Variants in NKAIN2 observed in about 807,000 individuals in gnomAD.
The protein encoded by NKAIN2 is sodium/potassium transporting ATPase interacting 2.
In NKAIN2, 14 loss-of-function variants were observed where a neutral mutation model predicts 32.6. That is an observed-to-expected ratio of 0.43 (90% CI 0.28 to 0.67). The LOEUF (loss-of-function observed/expected upper bound fraction) is 0.67. Among genes scored for constraint, NKAIN2 ranks in the 30% least tolerant of loss-of-function variants. The pLI, the probability that NKAIN2 is intolerant of heterozygous loss-of-function variation, is 0.17. For missense variants in NKAIN2, 198 were observed against 258.3 expected (o/e 0.77, Z 1.60); for synonymous variants, 80 against 87.2 (o/e 0.92, Z 0.46).
At chr6:124,162,121 A>T (rs1788311630) in intron 1 of NKAIN2, among the ~76,000 whole-genome samples, 1 of 152,080 alleles carries the variant, frequency 6.6e-6, no homozygotes, top group Admixed American at 6.6e-5. Flanking sequence ...TGTATCACTC[A>T]TTTGATTTCA....
chr6:124,070,775 A>G (rs1783423182), intron 1 of NKAIN2, among the ~76,000 whole-genome samples: 1 of 152,168 alleles, frequency 6.6e-6, no homozygotes, highest in Non-Finnish European at 1.5e-5. Context: ...ATTCATATGG[A>G]ACCAAAAAGA....
chr6:124,178,828 A>G (rs1018121301), intron 1 of NKAIN2, among the ~76,000 whole-genome samples: 2 of 152,192 alleles, frequency 1.3e-5, no homozygotes, highest in African/African-American at 4.8e-5. Context: ...TTCTGAGCAC[A>G]ATGTGCTCAA....
intron 1 of NKAIN2, among the ~76,000 whole-genome samples, chr6:123,927,653 A>AG (rs1329139108): frequency 2.0e-5 from 3 of 152,342 alleles, no homozygotes; most frequent in East Asian, 3.9e-4. Context: ...CGTCCCAAAC[A>AG]GTCCTATACA....
chr6:124,107,219 C>T (rs527273658), intron 1 of NKAIN2, among the ~76,000 whole-genome samples: 1 of 152,206 alleles, frequency 6.6e-6, no homozygotes, highest in African/African-American at 2.4e-5. Flanking sequence ...AGAGTGAGGC[C>T]GTACCCGCAG....
chr6:123,858,467 G>A (rs1775650264), intron 1 of NKAIN2, among the ~76,000 whole-genome samples: 1 of 152,172 alleles, frequency 6.6e-6, no homozygotes, highest in Non-Finnish European at 1.5e-5. Flanking sequence ...TGAGGAATTT[G>A]AGGGAGAGAC....
Position 123,976,298 on chromosome 6 carries a change from CATATATATGTTTCCATAT to C in NKAIN2, c.54+172056_54+172073del, listed in dbSNP as rs1778580978. Among the ~76,000 whole-genome samples, 12 of 58,554 alleles carry C rather than the reference CATATATATGTTTCCATAT, an allele frequency of 2.0e-4. 1 individual carries two copies. Among genetic ancestry groups the C allele is most frequent in the Admixed American group, 3.5e-4 (2 of 5,726 alleles). 38.4% of individuals were successfully genotyped at this position (58,554 alleles called of 152,430 possible). On this transcript the variant is annotated intron_variant, in intron 1 of 6. Coordinates refer to ENST00000368417, the MANE Select transcript of NKAIN2 (RefSeq NM_001040214.3). ...ATATATGTTTCCATATATATGTTTCCATATATATGTTTCCATATATATATATGTTCCCATATATATATA... is the reference window on the plus strand; with the variant it reads ...ATATATGTTTCCATATATATGTTTCCATATATATGTTCCCATATATATATA...
intron 1 of NKAIN2, among the ~76,000 whole-genome samples, chr6:124,194,634 T>C (rs1044085424): frequency 2.0e-5 from 3 of 152,184 alleles, no homozygotes; most frequent in Admixed American, 6.5e-5. Flanking sequence ...TTTTATATTC[T>C]AGGTCATAGA....
rs559516932 is a variant in NKAIN2, at chr6:124,808,612, T to C, written c.536-9775T>C. On this transcript the variant is annotated intron_variant, in intron 5 of 6. Coordinates refer to ENST00000368417, the MANE Select transcript of NKAIN2 (RefSeq NM_001040214.3). ...CCTCTCTCACCACTCCTATTCAACA[T>C]AGTGTTGGAAGTTATGGCCAGGGCA... Among the ~76,000 whole-genome samples, 419 of 152,198 alleles carry C rather than the reference T, an allele frequency of 2.8e-3. 7 individuals are homozygous for C. Among genetic ancestry groups the C allele is most frequent in the East Asian group, 1.5e-3 (8 of 5,176 alleles).
intron 3 of NKAIN2, among the ~76,000 whole-genome samples, chr6:124,410,104 C>T (rs1415955401): frequency 6.6e-6 from 1 of 151,942 alleles, no homozygotes; most frequent in South Asian, 2.1e-4. Context: ...ATTAGTCTTG[C>T]TAGTGGTCTA....
At chr6:124,233,296 A>G (rs977787803) in intron 1 of NKAIN2, among the ~76,000 whole-genome samples, 1 of 151,816 alleles carries the variant, frequency 6.6e-6, no homozygotes, top group Admixed American at 6.6e-5. Context: ...AACCATAATT[A>G]TATTCTATCA....
chr6:124,242,802 A>G (rs1453511776), intron 1 of NKAIN2, among the ~76,000 whole-genome samples: 1 of 149,970 alleles, frequency 6.7e-6, no homozygotes, highest in African/African-American at 2.5e-5. Flanking sequence ...AAAACTAAAC[A>G]CTGCATGTTC....
intron 3 of NKAIN2, among the ~76,000 whole-genome samples, chr6:124,544,232 G>T (rs973390989): frequency 3.3e-5 from 5 of 151,992 alleles, no homozygotes; most frequent in Non-Finnish European, 5.9e-5. Context: ...TACCTGTCAG[G>T]CTTGGAGAGC....
In NKAIN2 at chr6:124,196,796, TTTTAA is replaced by T. The variant is rs550587278; in HGVS notation, c.55-86204_55-86200del. ...ACATAATATATTTGTATCATGGTGA[TTTTAA>T]TTTATTTTATAAAAGTTTATTCGTG... On this transcript the variant is annotated intron_variant, in intron 1 of 6. Coordinates refer to ENST00000368417, the MANE Select transcript of NKAIN2 (RefSeq NM_001040214.3). Among the ~76,000 whole-genome samples, 212 of 152,114 alleles carry T rather than the reference TTTTAA, an allele frequency of 1.4e-3. 2 individuals are homozygous for T. The highest frequency in any genetic ancestry group is 3.4e-3 in the Middle Eastern group (1 of 294).
At chr6:124,512,399 T>A (rs979572302) in intron 3 of NKAIN2, among the ~76,000 whole-genome samples, 2 of 152,142 alleles carry the variant, frequency 1.3e-5, no homozygotes, top group African/African-American at 4.8e-5. Flanking sequence ...AAGACTAACA[T>A]TAAATGTAAA....
intron 3 of NKAIN2, among the ~76,000 whole-genome samples, chr6:124,509,074 A>G (rs1008481190): frequency 2.0e-5 from 3 of 152,210 alleles, no homozygotes; most frequent in Non-Finnish European, 4.4e-5. Context: ...AACACAACTC[A>G]ATTCATAACA....
chr6:124,398,192 G>T (rs1297737805), intron 3 of NKAIN2, among the ~76,000 whole-genome samples: 2 of 142,164 alleles, frequency 1.4e-5, no homozygotes, highest in Non-Finnish European at 3.0e-5. Flanking sequence ...GGCGGAGCTT[G>T]CAGTGAGCCG....
intron 1 of NKAIN2, among the ~76,000 whole-genome samples, chr6:123,909,783 T>C (rs9490996): frequency 0.17 from 25,606 of 152,104 alleles, 2,227 homozygotes; most frequent in Non-Finnish European, 0.18. Context: ...TTTATTTTAA[T>C]AGGGTGTGTG....
intron 1 of NKAIN2, among the ~76,000 whole-genome samples, chr6:123,998,991 A>T (rs941941102): frequency 6.6e-6 from 1 of 151,954 alleles, no homozygotes; most frequent in South Asian, 2.1e-4. Context: ...AAAATTAATT[A>T]TGTAAACATT....
At chr6:124,091,666 T>C (rs1016534473) in intron 1 of NKAIN2, among the ~76,000 whole-genome samples, 2 of 152,004 alleles carry the variant, frequency 1.3e-5, no homozygotes, top group African/African-American at 2.4e-5. Context: ...GCATTATTTT[T>C]TTTTTCCCCC....
Sources: gnomAD v4.1 joint callset for allele counts (sites outside exome capture counted in the v4.1 genomes callset) on GRCh38, gnomAD v4.1.1 for gene constraint, MANE v1.5 for transcripts, NCBI Gene and HGNC (gene_info 2026-07-23, HGNC 2026-07-21) for gene names.